The following ETV5 variants were observed in gnomAD, a reference collection of about 807,000 sequenced individuals.
The protein encoded by ETV5 is ETS translocation variant 5.
ETV5 carries 10 observed loss-of-function variants against 70.0 expected under a neutral mutation model. The observed-to-expected ratio is 0.14, with a 90% CI of 0.09 to 0.24. ETV5 has a LOEUF of 0.24. ETV5 is among the 10% of genes least tolerant of loss of function. ETV5 has a pLI of 1.00. For synonymous variants in ETV5, 216 were observed against 242.2 expected, an observed-to-expected ratio of 0.89 and a Z score of 1.01; for missense variants, 453 against 651.2, an observed-to-expected ratio of 0.70 and a Z score of 3.31.
chr3:186,064,031 T>A (rs1263399526), intron 9 of ETV5, among the ~76,000 whole-genome samples: 1 of 152,188 alleles, frequency 6.6e-6, no homozygotes, highest in African/African-American at 2.4e-5. Context: ...CAGTTTCAGC[T>A]GATAGTGTTA....
intron 5 of ETV5, among the ~76,000 whole-genome samples, chr3:186,092,918 T>TATG (rs1714216794): frequency 6.6e-6 from 1 of 152,216 alleles, no homozygotes; most frequent in Admixed American, 6.5e-5. Flanking sequence ...TGTACTGGGC[T>TATG]TGTAGAACAT....
intron 5 of ETV5, among the ~76,000 whole-genome samples, chr3:186,104,001 C>T (rs962239018): frequency 2.0e-5 from 3 of 152,222 alleles, no homozygotes; most frequent in Non-Finnish European, 2.9e-5. Context: ...ATACACCCAC[C>T]TACCCAGAGA....
At chr3:186,060,025 C>T (rs530136958) in intron 9 of ETV5, among the ~76,000 whole-genome samples, 260 of 152,332 alleles carry the variant, frequency 1.7e-3, no homozygotes, top group African/African-American at 6.1e-3. Flanking sequence ...ATGCTTCAAA[C>T]ATTTTGCCTT....
At chr3:186,077,765 A>ACT (rs1713831528) in intron 7 of ETV5, among the ~76,000 whole-genome samples, 1 of 152,048 alleles carries the variant, frequency 6.6e-6, no homozygotes, top group Non-Finnish European at 1.5e-5. Context: ...AGAGGACAGC[A>ACT]CTCTTGAGTG....
Position 186,106,904 on chromosome 3 carries a change from C to T in ETV5, c.-74-962G>A, listed in dbSNP as rs564769664. On this transcript the variant is annotated intron_variant, in intron 1 of 12. Transcript: ENST00000306376. Reference sequence around the variant, plus strand: ...ACTTTTATTCTTCAAATAAAAACACCGTTAAGTCAACAAAAGGTGGAAAAA... The same window carrying T: ...ACTTTTATTCTTCAAATAAAAACACTGTTAAGTCAACAAAAGGTGGAAAAA... 109 of 975,320 alleles carry T rather than the reference C, an allele frequency of 1.1e-4. 1 individual carries two copies. The East Asian group carries it at 1.8e-3, about 16-fold the overall frequency. The allele number at this position is 975,320 out of a possible 1,614,324, so 60.4% of individuals were successfully genotyped here.
intron 11 of ETV5, among the ~76,000 whole-genome samples, chr3:186,055,146 C>G (rs1212880941): frequency 6.6e-6 from 1 of 152,202 alleles, no homozygotes; most frequent in Non-Finnish European, 1.5e-5. Context: ...GATTCAATAA[C>G]AGCTTTACGA....
At position 186,079,891 on chromosome 3, in the gene ETV5, C is replaced by T. The variant is rs147915259; in HGVS notation, c.576G>A (p.Ala192=). Residue 192 remains alanine, a synonymous_variant, in exon 7 of 13, where the codon GCG becomes GCA. Transcript: ENST00000306376. ...GGGGCTGATGTGGTGGTCGGGGGACCGCAAATGTTTGCTGCTGTGGTCCAG... is the reference window on the plus strand; with the variant it reads ...GGGGCTGATGTGGTGGTCGGGGGACTGCAAATGTTTGCTGCTGTGGTCCAG... The part of the protein sequence containing the change: ...PEPGPQQQTF[A]VPRPPHQPLQ... 5.5e-5 allele frequency: 88 copies of T among 1,601,186 alleles called. No homozygotes were observed. Among genetic ancestry groups the T allele is most frequent in the African/African-American group, 9.6e-5 (7 of 72,660 alleles).
rs1280175555 is a variant in ETV5, at chr3:186,079,930, A to C, written c.537T>G (p.His179Gln). Reference sequence around the variant, plus strand: ...GCTGTGGTCCAGGCTCTGGAAGCGAATGGGGGGCGGGGGCGGGGCCCACAC... The same window carrying C: ...GCTGTGGTCCAGGCTCTGGAAGCGACTGGGGGGCGGGGGCGGGGCCCACAC... ...VQGVGPAPAPHSLPEPGPQQQ... is the reference protein window; with the variant it reads ...VQGVGPAPAPQSLPEPGPQQQ... The change falls in exon 7 of 13, where the codon CAT (histidine) becomes CAG (glutamine). Residue 179 changes from histidine (H) to glutamine (Q), a missense_variant. Physicochemically the swap from His to Gln is conservative, Grantham distance 24 (BLOSUM62 0). Transcript: ENST00000306376. The C allele has an allele frequency of 3.1e-5, 15 of 479,314 alleles. No homozygotes were observed. Among genetic ancestry groups the C allele is most frequent in the East Asian group, 7.4e-5 (1 of 13,566 alleles). The allele number at this position is 479,314 out of a possible 1,614,324, so 29.7% of individuals were successfully genotyped here. A position where few individuals can be genotyped will look rare whatever the true frequency, so the allele number is the denominator to read the frequency against.
At chr3:186,078,246 T>C (rs1713844692) in intron 7 of ETV5, 1 of 1,019,272 alleles carries the variant, frequency 9.8e-7, no homozygotes, top group Non-Finnish European at 1.2e-6. Context: ...GAGGGGGAAA[T>C]ATTAGATAAA....
intron 9 of ETV5, among the ~76,000 whole-genome samples, chr3:186,061,573 A>T (rs1194855590): frequency 1.3e-5 from 2 of 152,180 alleles, no homozygotes; most frequent in Non-Finnish European, 2.9e-5. Context: ...CTTCAGGGAG[A>T]AATACACTTG....
At chr3:186,049,817 C>T (rs189331951) in intron 12 of ETV5, among the ~76,000 whole-genome samples, 63 of 152,232 alleles carry the variant, frequency 4.1e-4, no homozygotes, top group African/African-American at 1.4e-3. Flanking sequence ...TAAAGCCCAA[C>T]CCCAAAAATT....
chr3:186,049,117 C>G (rs532082754), intron 12 of ETV5, among the ~76,000 whole-genome samples: 1 of 152,080 alleles, frequency 6.6e-6, no homozygotes, highest in Non-Finnish European at 1.5e-5. Context: ...TCTTCACTTT[C>G]TGTCTTCCAG....
chr3:186,052,254 C>T lies in ETV5; in HGVS notation c.1210-123G>A. 4 of 832,244 alleles carry T rather than the reference C, an allele frequency of 4.8e-6. No homozygotes were observed. The highest frequency in any genetic ancestry group is 7.7e-6 in the Non-Finnish European group (4 of 516,436). The allele number at this position is 832,244 out of a possible 1,614,324, so 51.6% of individuals were successfully genotyped here. A position where few individuals can be genotyped will look rare whatever the true frequency, so the allele number is the denominator to read the frequency against. On this transcript the variant is annotated intron_variant, in intron 11 of 12. Coordinates refer to ENST00000306376, the MANE Select transcript of ETV5 (RefSeq NM_004454.3). This position sits in a 1 kb window ranked among gnomAD's most constrained non-coding sequence, Gnocchi z 4.5. ...TTGGTCAATGATCTGCTACTCTGACCTGGAAGGGAAGGCATTTAACTCCCT... is the reference window on the plus strand; with the variant it reads ...TTGGTCAATGATCTGCTACTCTGACTTGGAAGGGAAGGCATTTAACTCCCT...
At chr3:186,064,858 CG>C (rs1560047365) in intron 8 of ETV5, among the ~76,000 whole-genome samples, 1 of 152,114 alleles carries the variant, frequency 6.6e-6, no homozygotes, top group African/African-American at 2.4e-5. Flanking sequence ...AGGGTGGGAA[CG>C]GGAAGAGGAC....
chr3:186,065,775 CAA>C, intron 8 of ETV5, 36 bp downstream of exon 8: 2 of 1,612,580 alleles, frequency 1.2e-6, no homozygotes, highest in Non-Finnish European at 1.7e-6. Flanking sequence ...CAGAAGAATG[CAA>C]GAATGAAGCA....
At chr3:186,108,505 A>C in intron 1 of ETV5, 1 of 1,285,410 alleles carries the variant, frequency 7.8e-7, no homozygotes, top group Non-Finnish European at 1.0e-6. Flanking sequence ...CGCCTCTCAG[A>C]CATTCCCCTC....
chr3:186,108,905 C>T (rs919612498), intron 1 of ETV5, 35 bp downstream of exon 1: 1 of 169,390 alleles, frequency 5.9e-6, no homozygotes, highest in African/African-American at 2.4e-5. Flanking sequence ...GACGCCCCTT[C>T]CGATCTCCCC....
rs1164415688 is a variant in ETV5 at position 186,105,355 on chromosome 3, G to A, written c.182C>T (p.Ala61Val). 2 of 1,613,282 alleles carry A rather than the reference G, an allele frequency of 1.2e-6. No homozygotes were observed. Among genetic ancestry groups the A allele is most frequent in the Non-Finnish European group, 1.7e-6 (2 of 1,179,810 alleles). Residue 61 changes from alanine to valine, a missense_variant and splice_region_variant, in exon 5 of 13, where the codon GCA becomes GTA. By Grantham distance (64) the Ala-to-Val change is moderately conservative. Transcript: ENST00000306376. This position sits in a 1 kb window ranked among gnomAD's most constrained non-coding sequence, Gnocchi z 4.5. ...AAACTGTTCATCATCAGGAACTTGT[G>A]CTGGAAAATAGATTTTTATTTTAGA... ...SQLQEAWLAE[A>V]QVPDDEQFVP... is the part of the protein sequence containing the mutation.
At chr3:186,073,280 T>C (rs1005222017) in intron 7 of ETV5, among the ~76,000 whole-genome samples, 1 of 152,260 alleles carries the variant, frequency 6.6e-6, no homozygotes, top group Non-Finnish European at 1.5e-5. Context: ...TCCTTTAGTA[T>C]AGTTTATGTA....
Sources: gnomAD v4.1 joint callset for allele counts (sites outside exome capture counted in the v4.1 genomes callset) on GRCh38, gnomAD v4.1.1 for gene constraint, Gnocchi (gnomAD v3.1) non-coding constraint, MANE v1.5 for transcripts, NCBI Gene and HGNC (gene_info 2026-07-23, HGNC 2026-07-21) for gene names.